The following TAS1R2 variants were observed in gnomAD, a reference collection of about 807,000 sequenced individuals.
TAS1R2 encodes the protein taste receptor type 1 member 2.
Under a neutral mutation model 49.3 loss-of-function variants are expected in TAS1R2, and 47 were observed. That is an observed-to-expected ratio of 0.95 (90% confidence interval 0.75 to 1.22). The LOEUF (loss-of-function observed/expected upper bound fraction) is 1.22. Among genes scored for constraint, TAS1R2 ranks in the 50% most tolerant of loss-of-function variants. The pLI is 0.00. For missense variants in TAS1R2, 1,155 were observed against 1,122.1 expected (o/e 1.03, Z -0.42); for synonymous variants, 479 against 467.9 (o/e 1.02, Z -0.31).
At chr1:18,859,507 T>G in exon 1 of TAS1R2, 1 of 1,614,018 alleles carries the variant, frequency 6.2e-7, no homozygotes, top group Middle Eastern at 1.6e-4. Flanking sequence ...TGCAGGAAGT[T>G]AAGGTGAACA....
In TAS1R2 at chr1:18,854,330, A is replaced by C. The variant is rs757768290; in HGVS notation, c.1140T>G (p.Ser380=). The stretch of plus-strand genomic sequence containing the variant: ...ACACGCTGTAGACGACACGCTCCCC[A>C]GAGAGCCTGAGAATGGTGTTGAAGG... The change falls in exon 3 of 6, where the codon TCT becomes TCG. Residue 380 remains serine, a synonymous_variant. Transcript: ENST00000375371. This position sits in a 1 kb window ranked among gnomAD's most constrained non-coding sequence, Gnocchi z 4.9. The C allele has an allele frequency of 1.2e-6, 2 of 1,613,944 alleles. No homozygotes were observed. Among genetic ancestry groups the C allele is most frequent in the East Asian group, 4.5e-5 (2 of 44,876 alleles).
At position 18,854,584 on chromosome 1, in the gene TAS1R2, C is replaced by T. The variant is rs1476026047; in HGVS notation, c.886G>A (p.Ala296Thr). Residue 296 changes from alanine (A) to threonine (T), a missense_variant, in exon 3 of 6, where the codon GCC (alanine) becomes ACC (threonine). Ala to Thr is a moderately conservative substitution (Grantham distance 58). Coordinates refer to ENST00000375371, the Ensembl canonical transcript of TAS1R2. This position sits in a 1 kb window ranked among gnomAD's most constrained non-coding sequence, Gnocchi z 4.9. ...CAGGACTCGGAGGCGATCCACACGGCGCCAGTGAAGTTCTGGCGCAGCACC... is the reference window on the plus strand; with the variant it reads ...CAGGACTCGGAGGCGATCCACACGGTGCCAGTGAAGTTCTGGCGCAGCACC... 2.5e-6 allele frequency: 4 copies of T among 1,613,930 alleles called. No individual in the cohort carries two copies. The highest frequency in any genetic ancestry group is 1.6e-4 in the Middle Eastern group (1 of 6,062).
chr1:18,842,855 C>T (rs1441657636), intron 4 of TAS1R2, among the ~76,000 whole-genome samples: 2 of 152,046 alleles, frequency 1.3e-5, no homozygotes, highest in African/African-American at 2.4e-5. Flanking sequence ...TGAAAAAGTT[C>T]TAGAGATCTG....
chr1:18,841,618 C>G lies in TAS1R2; in HGVS notation c.1591+111G>C, dbSNP rs769933485. The G allele has an allele frequency of 6.2e-6, 9 of 1,452,592 alleles. No homozygotes were observed. In the Admixed American group the frequency reaches 8.5e-5, roughly 14 times the overall value. 90.0% of individuals were successfully genotyped at this position (1,452,592 alleles called of 1,614,324 possible). ...CCCTGGCCTTTGGACACTCACACCCCCTGTGGGGTACTCCAGAGACCCTGC... is the reference window on the plus strand; with the variant it reads ...CCCTGGCCTTTGGACACTCACACCCGCTGTGGGGTACTCCAGAGACCCTGC... On this transcript the variant is annotated intron_variant, in intron 5 of 5. Coordinates refer to ENST00000375371, the Ensembl canonical transcript of TAS1R2.
At chr1:18,857,750 G>A (rs868136834) in intron 1 of TAS1R2, 119 bp from the exon 2 acceptor site, 1 of 1,179,530 alleles carries the variant, frequency 8.5e-7, no homozygotes, top group East Asian at 2.5e-5. Flanking sequence ...ACTGAGAAGA[G>A]CCACTCCAGA....
chr1:18,853,691 G>A (rs1205958382), intron 3 of TAS1R2, among the ~76,000 whole-genome samples: 3 of 152,124 alleles, frequency 2.0e-5, no homozygotes, highest in Non-Finnish European at 4.4e-5. Context: ...TAAAGTGTGC[G>A]TCTCTAATGT....
chr1:18,846,537 A>T lies in TAS1R2; in HGVS notation c.1467+2804T>A, dbSNP rs905209725. On this transcript the variant is annotated intron_variant, in intron 4 of 5. Coordinates refer to ENST00000375371, the Ensembl canonical transcript of TAS1R2. ...CTTTCTGGGAGACACCAAAGCTAAG[A>T]CAGTATATGGGCTGAACTATATCCT... is the stretch of plus-strand genomic sequence containing the variant. Among the ~76,000 whole-genome samples, 7 of 152,174 alleles carry T rather than the reference A, an allele frequency of 4.6e-5. No individual in the cohort carries two copies. In the East Asian group the frequency reaches 1.3e-3, roughly 29 times the overall value.
intron 5 of TAS1R2, 68 bp downstream of exon 5, chr1:18,841,661 A>C: frequency 6.4e-7 from 1 of 1,567,706 alleles, no homozygotes; most frequent in Non-Finnish European, 8.7e-7. Flanking sequence ...GACAAGCCCT[A>C]GAGACTCCAG....
chr1:18,840,637 C>T (rs1166364675), intron 5 of TAS1R2, 110 bp from the exon 6 acceptor site: 1 of 1,128,210 alleles, frequency 8.9e-7, no homozygotes, highest in Non-Finnish European at 1.3e-6. Flanking sequence ...GCACCAAGGG[C>T]AACCCTTGCA....
At chr1:18,840,335 A>G (rs41273167) in exon 6 of TAS1R2, 35,741 of 1,614,138 alleles carry the variant, frequency 0.022, 498 homozygotes, top group Non-Finnish European at 0.026. Flanking sequence ...CGAGCGAACT[A>G]TGGGTGTCTG....
rs1015875094 is a variant in TAS1R2 at position 18,854,761 on chromosome 1, G to A, written c.709C>T (p.Gln237Ter). 9.3e-6 allele frequency: 15 copies of A among 1,609,968 alleles called. No homozygotes were observed. In the East Asian group the frequency reaches 3.1e-4, roughly 34 times the overall value. The change falls in exon 3 of 6, where the codon CAG (glutamine) becomes TAG (stop). Residue 237 changes from glutamine to a stop codon, truncating the protein, a stop_gained. Coordinates refer to ENST00000375371, the Ensembl canonical transcript of TAS1R2. LOFTEE classifies it high-confidence loss of function. This position sits in a 1 kb window ranked among gnomAD's most constrained non-coding sequence, Gnocchi z 4.9. Reference sequence around the variant, plus strand: ...GGCTGCAGTGTGGGCAGCGTCTCCTGGAAGGCGATGCAGATGTCGCGCCGG... The same window carrying A: ...GGCTGCAGTGTGGGCAGCGTCTCCTAGAAGGCGATGCAGATGTCGCGCCGG...
At chr1:18,844,511 T>G (rs1042598488) in intron 4 of TAS1R2, among the ~76,000 whole-genome samples, 7 of 152,200 alleles carry the variant, frequency 4.6e-5, no homozygotes, top group Non-Finnish European at 1.0e-4. Flanking sequence ...CAGCATTTTT[T>G]GGGAGGCCAA....
At chr1:18,846,449 TC>T (rs1357404941) in intron 4 of TAS1R2, among the ~76,000 whole-genome samples, 3 of 152,186 alleles carry the variant, frequency 2.0e-5, no homozygotes, top group African/African-American at 7.2e-5. Context: ...CCACTCCTGT[TC>T]CTGTCCATGT....
At chr1:18,858,803 G>A (rs1423364129) in intron 1 of TAS1R2, among the ~76,000 whole-genome samples, 2 of 152,152 alleles carry the variant, frequency 1.3e-5, no homozygotes, top group African/African-American at 4.8e-5. Flanking sequence ...ATCTTCCCCA[G>A]TGTCATAAAT....
At chr1:18,844,546 G>A (rs1376710952) in intron 4 of TAS1R2, among the ~76,000 whole-genome samples, 2 of 152,146 alleles carry the variant, frequency 1.3e-5, no homozygotes, top group Non-Finnish European at 2.9e-5. Flanking sequence ...TTGAGGTCAG[G>A]AGTTCCAGAC....
At chr1:18,853,952 G>T (rs543465805) in intron 3 of TAS1R2, among the ~76,000 whole-genome samples, 104 of 152,258 alleles carry the variant, frequency 6.8e-4, no homozygotes, top group African/African-American at 2.5e-3. Flanking sequence ...GGAGAGACTG[G>T]GGGAGGGGGG....
intron 1 of TAS1R2, among the ~76,000 whole-genome samples, chr1:18,857,962 CCAT>C (rs1934171026): frequency 6.6e-6 from 1 of 151,828 alleles, no homozygotes. Context: ...ACCACTATCA[CCAT>C]CATCACCCAC....
At chr1:18,848,507 G>A (rs1033074509) in intron 4 of TAS1R2, among the ~76,000 whole-genome samples, 1 of 151,982 alleles carries the variant, frequency 6.6e-6, no homozygotes, top group Non-Finnish European at 1.5e-5. Flanking sequence ...TGATAAAGCA[G>A]AGGTCCCTAA....
chr1:18,855,975 C>A (rs1006339831), intron 2 of TAS1R2, among the ~76,000 whole-genome samples: 1 of 152,220 alleles, frequency 6.6e-6, no homozygotes, highest in East Asian at 1.9e-4. Flanking sequence ...TGCACTGCAA[C>A]ATTACCCATC....
Sources: gnomAD v4.1 joint callset for allele counts (sites outside exome capture counted in the v4.1 genomes callset) on GRCh38, gnomAD v4.1.1 for gene constraint, Gnocchi (gnomAD v3.1) non-coding constraint, MANE v1.5 for transcripts, NCBI Gene and HGNC (gene_info 2026-07-23, HGNC 2026-07-21) for gene names.